GGA2: variants seen among roughly 807,000 people sequenced by gnomAD.
The protein encoded by GGA2 is golgi associated, gamma adaptin ear containing, ARF binding protein 2.
Under a neutral mutation model 79.5 loss-of-function variants are expected in GGA2, and 48 were observed. The observed-to-expected ratio is 0.60, with a 90% CI of 0.48 to 0.77. The LOEUF is 0.77. Ranked by LOEUF, GGA2 falls within the 30% of genes least tolerant of loss-of-function variation. GGA2 has a pLI of 0.00. For synonymous variants in GGA2, 317 were observed against 302.0 expected (o/e 1.05, Z -0.51); for missense variants, 770 against 774.0 (o/e 0.99, Z 0.06).
In GGA2 at chr16:23,482,928, G is replaced by A. The variant is rs751659774; in HGVS notation, c.875C>T (p.Ala292Val). Reference protein sequence around the residue: ...LASDTTDDDDALAEILQANDL... With the variant: ...LASDTTDDDDVLAEILQANDL... Reference sequence around the variant, plus strand: ...CCCAAGGAAAGAAAACTTACCGAGTGCATCATCGTCATCAGTGGTGTCACT... The same window carrying A: ...CCCAAGGAAAGAAAACTTACCGAGTACATCATCGTCATCAGTGGTGTCACT... The change falls in exon 9 of 17, where the codon GCA becomes GTA. Residue 292 changes from alanine (A) to valine (V), a missense_variant. Physicochemically the swap from Ala to Val is moderately conservative, Grantham distance 64. Coordinates refer to ENST00000309859, the MANE Select transcript of GGA2 (RefSeq NM_015044.4). The A allele has an allele frequency of 3.8e-6, 6 of 1,597,136 alleles. No homozygotes were observed. Among genetic ancestry groups the A allele is most frequent in the Non-Finnish European group, 3.4e-6 (4 of 1,164,516 alleles).
At chr16:23,514,773 T>C (rs7186729), upstream of GGA2, among the ~76,000 whole-genome samples, 130,524 of 152,132 alleles carry the variant, frequency 0.86, 56,208 homozygotes, top group African/African-American at 0.91. Context: ...GTGTTGGCCA[T>C]GACCCTTTGG....
upstream of GGA2, among the ~76,000 whole-genome samples, chr16:23,513,297 C>G (rs1344223097): frequency 1.3e-5 from 2 of 152,132 alleles, no homozygotes; most frequent in Non-Finnish European, 1.5e-5. Context: ...AGTGGAAACC[C>G]TCAGAAGCAG....
intron 8 of GGA2, 36 bp downstream of exon 8, chr16:23,485,979 A>C (rs779194591): frequency 6.3e-7 from 1 of 1,597,346 alleles, no homozygotes; most frequent in Admixed American, 1.7e-5. Flanking sequence ...CCACTTTAGT[A>C]AACATGTGCA....
intron 9 of GGA2, 110 bp downstream of exon 9, chr16:23,482,813 A>C (rs1964663939): frequency 2.7e-6 from 2 of 740,780 alleles, no homozygotes; most frequent in Non-Finnish European, 4.9e-6. Context: ...CCCAAGCTCC[A>C]CGGAACCGAA....
In GGA2 at chr16:23,495,782, T is replaced by A. The variant is rs1234982966; in HGVS notation, c.92-4A>T. The A allele has an allele frequency of 6.3e-7, 1 of 1,598,516 alleles. No homozygotes were observed. Among genetic ancestry groups the A allele is most frequent in the Non-Finnish European group, 8.6e-7 (1 of 1,167,152 alleles). Reference sequence around the variant, plus strand: ...ATGCTTGGGTCTGTGGCTTTGTCTGTCAAATAAATAATAAAGTTAGAGAGT... The same window carrying A: ...ATGCTTGGGTCTGTGGCTTTGTCTGACAAATAAATAATAAAGTTAGAGAGT... On this transcript the variant is annotated splice_region_variant and splice_polypyrimidine_tract_variant and intron_variant, in intron 1 of 16. Transcript: ENST00000309859.
At chr16:23,471,339 T>A (rs1964508479) in intron 14 of GGA2, among the ~76,000 whole-genome samples, 1 of 152,150 alleles carries the variant, frequency 6.6e-6, no homozygotes, top group African/African-American at 2.4e-5. Flanking sequence ...ACTTTTAATT[T>A]AGCTAAGGAG....
chr16:23,509,361 G>T (rs1181668374), intron 1 of GGA2, among the ~76,000 whole-genome samples: 1 of 152,104 alleles, frequency 6.6e-6, no homozygotes, highest in Non-Finnish European at 1.5e-5. Context: ...AGTTTCTTCT[G>T]CCTGGAATGC....
At chr16:23,496,116 C>CTAGCCTGACCTCTAGTTTGAGACTAG (rs1567367528) in intron 1 of GGA2, among the ~76,000 whole-genome samples, 20 of 151,858 alleles carry the variant, frequency 1.3e-4, no homozygotes, top group African/African-American at 4.6e-4. Flanking sequence ...GCCTGACCAA[C>CTAGCCTGACCTCTAGTTTGAGACTAG]ATGATGAAAC....
intron 1 of GGA2, among the ~76,000 whole-genome samples, chr16:23,507,984 G>C (rs1964992012): frequency 6.6e-6 from 1 of 151,794 alleles, no homozygotes; most frequent in African/African-American, 2.4e-5. Flanking sequence ...TTGAAGAACT[G>C]TGTCCTTGGG....
In GGA2 at chr16:23,508,936, CCT is replaced by C. The variant is rs151167188; in HGVS notation, c.91+1383_91+1384del. ...ATCTAGCCTAGATTTCTCCTTGTCC[CCT>C]GTCTGCATTCCAAGGCACCGAGGCT... On this transcript the variant is annotated intron_variant, in intron 1 of 16. Transcript: ENST00000309859. Among the ~76,000 whole-genome samples, 886 of 152,208 alleles carry C rather than the reference CCT, an allele frequency of 5.8e-3. 13 individuals carry two copies. The highest frequency in any genetic ancestry group is 0.02 in the African/African-American group (836 of 41,500).
upstream of GGA2, among the ~76,000 whole-genome samples, chr16:23,510,888 TTA>T (rs1279102081): frequency 1.3e-5 from 2 of 148,698 alleles, no homozygotes; most frequent in Non-Finnish European, 3.0e-5. Flanking sequence ...TGTGTGTGTG[TTA>T]GAGACTGGGT....
At chr16:23,475,178 A>T in intron 13 of GGA2, 117 bp from the exon 14 acceptor site, 6 of 514,934 alleles carry the variant, frequency 1.2e-5, no homozygotes, top group Middle Eastern at 5.4e-4. Context: ...ACAGAGTTAG[A>T]TGTTATATGC....
At chr16:23,497,079 T>C (rs745838942) in intron 1 of GGA2, among the ~76,000 whole-genome samples, 104 of 148,552 alleles carry the variant, frequency 7.0e-4, no homozygotes, top group Non-Finnish European at 1.3e-3. Flanking sequence ...CACTCCAACC[T>C]GGGTGGGAGA....
intron 5 of GGA2, among the ~76,000 whole-genome samples, chr16:23,489,738 A>G (rs1449856145): frequency 6.6e-6 from 1 of 152,216 alleles, no homozygotes; most frequent in Non-Finnish European, 1.5e-5. Context: ...GGCTGCAACA[A>G]AAAGAAAATA....
intron 7 of GGA2, among the ~76,000 whole-genome samples, chr16:23,486,450 G>A (rs1474738222): frequency 2.6e-5 from 4 of 152,166 alleles, no homozygotes; most frequent in African/African-American, 9.7e-5. Context: ...ACCTGTTGCT[G>A]GGACCCAAGC....
rs549841773 is a variant in GGA2, at chr16:23,500,459, C to T, written c.92-4681G>A. ...GGCGGTGGCAAGCAGAGGTGCAGGC[C>T]AAGGCAGAGAGGAGTGGAGGCACAG... On this transcript the variant is annotated intron_variant, in intron 1 of 16. Coordinates refer to ENST00000309859, the MANE Select transcript of GGA2 (RefSeq NM_015044.4). 8.5e-5 allele frequency among the ~76,000 whole-genome samples: 13 copies of T among 152,276 alleles called. No homozygotes were observed. In the South Asian group the frequency reaches 2.7e-3, roughly 32 times the overall value.
intron 8 of GGA2, among the ~76,000 whole-genome samples, chr16:23,484,666 G>A (rs929089200): frequency 1.3e-5 from 2 of 152,220 alleles, no homozygotes; most frequent in South Asian, 2.1e-4. Context: ...AAGTTGCAAT[G>A]AGACAGTACT....
chr16:23,469,570 G>A (rs1273094859), intron 15 of GGA2: 3 of 157,818 alleles, frequency 1.9e-5, no homozygotes, highest in African/African-American at 4.8e-5. Context: ...CAGGATACAA[G>A]TTCCTGGTCC....
chr16:23,519,633 A>G (rs947125065), exon 2 of GGA2: 6 of 420,514 alleles, frequency 1.4e-5, no homozygotes, highest in Admixed American at 5.3e-5. Context: ...ATAAAGAGAA[A>G]GGCAGCCTGC....
Sources: allele counts gnomAD v4.1 joint callset (sites outside exome capture counted in the v4.1 genomes callset), GRCh38; gene constraint gnomAD v4.1.1; transcripts MANE v1.5; gene names NCBI Gene and HGNC (gene_info 2026-07-23, HGNC 2026-07-21).